DYSF: variants seen among roughly 807,000 people sequenced by gnomAD.
DYSF encodes dystrophy-associated fer-1-like 1.
In DYSF, 212 loss-of-function variants were observed where a neutral mutation model predicts 274.9. That is an observed-to-expected ratio of 0.77 (90% confidence interval 0.69 to 0.86). DYSF has a LOEUF of 0.86. DYSF is among the 40% of genes least tolerant of loss of function. The pLI is 0.00. For missense variants in DYSF, 2,666 were observed against 2,783.2 expected (o/e 0.96, Z 0.95); for synonymous variants, 1,091 against 1,078.7 (o/e 1.01, Z -0.22).
At chr2:71,502,755 T>C (rs756982181) in intron 3 of DYSF, among the ~76,000 whole-genome samples, 10 of 152,312 alleles carry the variant, frequency 6.6e-5, no homozygotes, top group Non-Finnish European at 1.3e-4. Flanking sequence ...TTGCTTTTCA[T>C]GTACAATCAA....
chr2:71,466,567 C>A (rs1263332885), upstream of DYSF: 2 of 1,050,036 alleles, frequency 1.9e-6, no homozygotes, highest in East Asian at 3.9e-5. Flanking sequence ...CCAGCACCCC[C>A]ACAGGCGCCC....
chr2:71,653,584 C>G (rs917685566), intron 42 of DYSF, among the ~76,000 whole-genome samples: 8 of 146,390 alleles, frequency 5.5e-5, no homozygotes, highest in African/African-American at 2.0e-4. Context: ...ACCGCATGTT[C>G]TCACTCATAG....
intron 41 of DYSF, 25 bp downstream of exon 41, chr2:71,620,634 G>A: frequency 2.6e-6 from 4 of 1,550,600 alleles, no homozygotes; most frequent in African/African-American, 1.4e-5. Context: ...CTTATTTGTG[G>A]GCTCCTTGTA....
chr2:71,517,095 G>C, intron 10 of DYSF, 56 bp downstream of exon 10: 2 of 1,540,406 alleles, frequency 1.3e-6, no homozygotes, highest in South Asian at 2.2e-5. Context: ...TGTTGGTGGA[G>C]CCTCTGTGGA....
intron 32 of DYSF, among the ~76,000 whole-genome samples, chr2:71,592,410 A>T (rs1018424455): frequency 2.6e-5 from 4 of 152,218 alleles, no homozygotes; most frequent in African/African-American, 9.6e-5. Flanking sequence ...TTCTGAATGA[A>T]AGGCCCGATT....
In DYSF at chr2:71,553,148, G is replaced by T. The variant is rs115849497; in HGVS notation, c.1944G>T (p.Pro648=). 4.6e-5 allele frequency: 74 copies of T among 1,614,076 alleles called. No individual in the cohort carries two copies. Among genetic ancestry groups the T allele is most frequent in the Admixed American group, 2.0e-4 (12 of 60,012 alleles). ...YGNKFDMTCL[P]LASTTQYSRA... The stretch of plus-strand genomic sequence containing the variant: ...ACAAGTTCGACATGACCTGCCTGCC[G>T]CTGGCCTCCACCACTCAGTACAGCC... The change falls in exon 20 of 56, where the codon CCG becomes CCT. Residue 648 remains proline, a synonymous_variant. Coordinates refer to ENST00000410020, the MANE Select transcript of DYSF (RefSeq NM_001130987.2).
In DYSF at chr2:71,570,319, G is replaced by A; in HGVS notation, c.3070G>A (p.Ala1024Thr). 6.2e-7 allele frequency: 1 copy of A among 1,614,068 alleles called. No individual in the cohort carries two copies. The highest frequency in any genetic ancestry group is 8.5e-7 in the Non-Finnish European group (1 of 1,179,994). The change falls in exon 28 of 56, where the codon GCT becomes ACT. Residue 1024 changes from alanine (A) to threonine (T), a missense_variant. By Grantham distance (58) the Ala-to-Thr change is moderately conservative. Transcript: ENST00000410020. ...DEEWSTDLNR[A>T]VDEQGWEYSI... Reference sequence around the variant, plus strand: ...GGAATGGTCCACAGACCTCAACCGGGCTGTCGATGAGCAAGGTGGGCAGCA... The same window carrying A: ...GGAATGGTCCACAGACCTCAACCGGACTGTCGATGAGCAAGGTGGGCAGCA...
chr2:71,629,783 T>C (rs1001795355), intron 41 of DYSF, among the ~76,000 whole-genome samples: 3 of 152,218 alleles, frequency 2.0e-5, no homozygotes, highest in African/African-American at 7.2e-5. Flanking sequence ...TCTGTTAATT[T>C]AGGTGTTCTT....
At chr2:71,507,430 C>G (rs749570863) in intron 4 of DYSF, among the ~76,000 whole-genome samples, 6 of 152,308 alleles carry the variant, frequency 3.9e-5, no homozygotes, top group Admixed American at 2.0e-4. Context: ...TTTACTTTTT[C>G]TTTTCTTTCT....
chr2:71,628,586 C>G (rs2094253116), intron 41 of DYSF, among the ~76,000 whole-genome samples: 1 of 152,092 alleles, frequency 6.6e-6, no homozygotes, highest in African/African-American at 2.4e-5. Flanking sequence ...TCTGTCAGCA[C>G]TCTTTTCTGG....
intron 20 of DYSF, 55 bp from the exon 21 acceptor site, chr2:71,553,752 A>AAAACAAC: frequency 3.7e-6 from 1 of 267,804 alleles, no homozygotes; most frequent in Non-Finnish European, 6.7e-6. Flanking sequence ...TTAGCACCCC[A>AAAACAAC]TCCCACCCGC....
intron 32 of DYSF, among the ~76,000 whole-genome samples, chr2:71,590,655 G>A (rs559132204): frequency 2.7e-4 from 41 of 152,246 alleles, no homozygotes; most frequent in Admixed American, 8.5e-4. Flanking sequence ...TCTGGGCACC[G>A]GGGTCCCCCA....
chr2:71,492,349 G>A (rs951078246), intron 3 of DYSF, among the ~76,000 whole-genome samples: 4 of 152,164 alleles, frequency 2.6e-5, no homozygotes, highest in Non-Finnish European at 5.9e-5. Context: ...CAGAGGACAG[G>A]TGTTTCCTCC....
In DYSF at chr2:71,679,110, A is replaced by T. The variant is rs1553420738; in HGVS notation, c.5938A>T (p.Lys1980Ter). Residue 1980 changes from lysine to a stop codon, truncating the protein, a stop_gained, in exon 53 of 56, where the codon AAG (lysine) becomes TAG (stop). Coordinates refer to ENST00000410020, the MANE Select transcript of DYSF (RefSeq NM_001130987.2). LOFTEE classifies it high-confidence loss of function. ...GCCCAAGCCAGCCAAGACAGCCAAG[A>T]AGTGCTCCTTGGACCAGCTGGATGA... ...RMPKPAKTAK[K>*]CSLDQLDDAF... is the part of the protein sequence containing the mutation. The T allele has an allele frequency of 6.2e-7, 1 of 1,613,972 alleles. No homozygotes were observed. The highest frequency in any genetic ancestry group is 1.7e-5 in the Admixed American group (1 of 60,014).
At chr2:71,634,447 C>T (rs2094363211) in intron 41 of DYSF, among the ~76,000 whole-genome samples, 1 of 152,094 alleles carries the variant, frequency 6.6e-6, no homozygotes, top group Non-Finnish European at 1.5e-5. Context: ...TTTTGTGGGG[C>T]TCTTTCTTAT....
chr2:71,484,374 T>G (rs1326701803), intron 3 of DYSF, among the ~76,000 whole-genome samples: 1 of 152,148 alleles, frequency 6.6e-6, no homozygotes, highest in Non-Finnish European at 1.5e-5. Context: ...TTAAAAATTT[T>G]TAAAATCATT....
At chr2:71,683,529 T>C (rs890957783) in intron 55 of DYSF, among the ~76,000 whole-genome samples, 2 of 152,258 alleles carry the variant, frequency 1.3e-5, no homozygotes, top group African/African-American at 2.4e-5. Flanking sequence ...GAAATCTTTT[T>C]AATATGAAAA....
intron 3 of DYSF, among the ~76,000 whole-genome samples, chr2:71,493,904 G>C (rs746735704): frequency 2.0e-5 from 3 of 149,354 alleles, no homozygotes; most frequent in African/African-American, 7.4e-5. Flanking sequence ...GTTTTTTAGA[G>C]GAAAAGAGGA....
intron 3 of DYSF, among the ~76,000 whole-genome samples, chr2:71,483,177 T>C (rs1034199605): frequency 1.3e-5 from 2 of 152,164 alleles, no homozygotes; most frequent in Admixed American, 6.5e-5. Flanking sequence ...CCCAAAAGTG[T>C]GGCTGCAAGG....
Sources: gnomAD v4.1 joint callset for allele counts (sites outside exome capture counted in the v4.1 genomes callset) on GRCh38, gnomAD v4.1.1 for gene constraint, MANE v1.5 for transcripts, NCBI Gene and HGNC (gene_info 2026-07-23, HGNC 2026-07-21) for gene names.